The following MYOF variants were observed in gnomAD, a reference collection of about 807,000 sequenced individuals.
MYOF encodes the protein fer-1-like 3, myoferlin.
MYOF carries 244 observed loss-of-function variants against 284.2 expected under a neutral mutation model. That is an observed-to-expected ratio of 0.86 (90% confidence interval 0.77 to 0.95). The LOEUF (loss-of-function observed/expected upper bound fraction) is 0.95. MYOF is among the 40% of genes least tolerant of loss of function. The pLI, the probability that MYOF is intolerant of heterozygous loss-of-function variation, is 0.00. For missense variants in MYOF, 2,496 were observed against 2,560.6 expected, an observed-to-expected ratio of 0.97 and a Z score of 0.54; for synonymous variants, 904 against 919.7, an observed-to-expected ratio of 0.98 and a Z score of 0.31.
At position 93,356,721 on chromosome 10, in the gene MYOF, GA is replaced by G; in HGVS notation, c.3247del (p.Ser1083GlnfsTer72). ...RRRWRRKMAP[S>X]ETHGAAAIFK... Reference sequence around the variant, plus strand: ...GATGGCAGCTGCACCATGTGTTTCTGAAGGAGCCATTTTTCTCCTCCAGCGT... The same window carrying G: ...GATGGCAGCTGCACCATGTGTTTCTGAGGAGCCATTTTTCTCCTCCAGCGT... On this transcript the variant is annotated frameshift_variant, in exon 30 of 54. Transcript: ENST00000359263. LOFTEE classifies it high-confidence loss of function. 1 of 1,614,154 alleles carries G rather than the reference GA, an allele frequency of 6.2e-7. No homozygotes were observed.
intron 24 of MYOF, among the ~76,000 whole-genome samples, chr10:93,370,490 T>C (rs1265482258): frequency 6.6e-6 from 1 of 151,582 alleles, no homozygotes; most frequent in African/African-American, 2.4e-5. Flanking sequence ...TTTTGTATTT[T>C]TTTTGTAGAG....
At chr10:93,356,899 C>T in intron 29 of MYOF, 51 bp from the exon 30 acceptor site, 2 of 1,532,440 alleles carry the variant, frequency 1.3e-6, no homozygotes, top group Non-Finnish European at 8.9e-7. Context: ...GATGATATTC[C>T]TTATTTTGAT....
intron 1 of MYOF, among the ~76,000 whole-genome samples, chr10:93,480,404 A>AT (rs1469755646): frequency 6.7e-6 from 1 of 149,294 alleles, no homozygotes; most frequent in African/African-American, 2.5e-5. Context: ...ATTTTTTTAA[A>AT]TTTTTTTTAA....
chr10:93,352,008 G>A (rs1844545275), intron 32 of MYOF, among the ~76,000 whole-genome samples, 162 bp from the exon 33 acceptor site: 1 of 152,152 alleles, frequency 6.6e-6, no homozygotes, highest in Non-Finnish European at 1.5e-5. Context: ...CCCCATGGAA[G>A]GTTCTGGCAC....
At chr10:93,454,911 C>T (rs141998613) in intron 2 of MYOF, among the ~76,000 whole-genome samples, 88 of 143,052 alleles carry the variant, frequency 6.2e-4, no homozygotes, top group African/African-American at 2.1e-3. Context: ...CCTGGGAGAT[C>T]GAGGCTGTAG....
At chr10:93,432,261 G>A (rs1848906925) in intron 3 of MYOF, among the ~76,000 whole-genome samples, 2 of 152,000 alleles carry the variant, frequency 1.3e-5, no homozygotes. Flanking sequence ...GATGATGCAT[G>A]CCTGTAATCC....
chr10:93,473,570 G>A (rs1361155433), intron 1 of MYOF, among the ~76,000 whole-genome samples: 1 of 152,224 alleles, frequency 6.6e-6, no homozygotes, highest in Admixed American at 6.5e-5. Context: ...GCAGGGAGAA[G>A]CAGAGGCAGG....
intron 9 of MYOF, among the ~76,000 whole-genome samples, chr10:93,403,696 T>G (rs1847408368): frequency 6.6e-6 from 1 of 152,208 alleles, no homozygotes; most frequent in Admixed American, 6.5e-5. Flanking sequence ...AGATGGAGCT[T>G]TGGGGCCCCC....
chr10:93,459,017 G>T (rs984874771), intron 1 of MYOF, among the ~76,000 whole-genome samples: 1 of 152,226 alleles, frequency 6.6e-6, no homozygotes, highest in Non-Finnish European at 1.5e-5. Flanking sequence ...TTTTCCACTT[G>T]AGAGGGCAAC....
intron 1 of MYOF, among the ~76,000 whole-genome samples, chr10:93,479,145 CT>C (rs1377635363): frequency 1.9e-3 from 276 of 144,046 alleles, no homozygotes; most frequent in Non-Finnish European, 1.8e-3. Context: ...TGGCTTTTTC[CT>C]TTTTTTTTTT....
At chr10:93,400,164 C>A (rs78852093) in intron 12 of MYOF, among the ~76,000 whole-genome samples, 15,498 of 152,022 alleles carry the variant, frequency 0.1, 1,248 homozygotes, top group African/African-American at 0.22. Context: ...TGCTCTAGGT[C>A]AAAATGATAT....
rs373879723 is a variant in MYOF, at chr10:93,427,201, AC to A, written c.346-1044del. 7.7e-3 allele frequency among the ~76,000 whole-genome samples: 757 copies of A among 98,364 alleles called. 10 individuals carry two copies. Among genetic ancestry groups the A allele is most frequent in the African/African-American group, 0.029 (736 of 25,608 alleles). The allele number at this position is 98,364 out of a possible 152,430, so 64.5% of individuals were successfully genotyped here. ...GTGCCCGGGGAGACTCTGTCTTAAA[AC>A]AAAACAAAACAAAACAAAAAAAAAC... On this transcript the variant is annotated intron_variant, in intron 4 of 53. Transcript: ENST00000359263.
intron 7 of MYOF, among the ~76,000 whole-genome samples, chr10:93,407,964 G>A (rs1352539075): frequency 2.6e-5 from 4 of 152,004 alleles, no homozygotes; most frequent in African/African-American, 7.2e-5. Context: ...CATAAGGGTC[G>A]AAGGGATCAT....
intron 19 of MYOF, among the ~76,000 whole-genome samples, chr10:93,382,391 C>G (rs1846166345): frequency 1.3e-5 from 2 of 151,996 alleles, no homozygotes; most frequent in Non-Finnish European, 2.9e-5. Context: ...TGCCACTGCA[C>G]CCAGCTAAAC....
intron 19 of MYOF, among the ~76,000 whole-genome samples, chr10:93,384,090 G>A (rs746375609): frequency 2.6e-5 from 4 of 152,186 alleles, no homozygotes; most frequent in Non-Finnish European, 5.9e-5. Context: ...TGAGCAAGCC[G>A]CTGAAGATGG....
rs1237442282 is a variant in MYOF, at chr10:93,401,488, G to A, written c.1047C>T (p.Leu349=). 2 of 1,613,998 alleles carry A rather than the reference G, an allele frequency of 1.2e-6. No homozygotes were observed. The highest frequency in any genetic ancestry group is 2.2e-5 in the East Asian group (1 of 44,902). Residue 349 remains leucine, a synonymous_variant, in exon 12 of 54, where the codon CTC becomes CTT. Transcript: ENST00000359263. The stretch of plus-strand genomic sequence containing the variant: ...CCCACCGGAGGGCAATGCCAGCAGG[G>A]AGTAACAAATTACTCTCCACATCAT... ...DSDDVESNLL[L]PAGIALRWVT... is the part of the protein sequence containing the mutation.
chr10:93,426,035 C>A (rs1848575628), intron 5 of MYOF, 36 bp downstream of exon 5: 2 of 1,542,906 alleles, frequency 1.3e-6, no homozygotes, highest in African/African-American at 1.4e-5. Context: ...CAGCCTCCCC[C>A]TGGGGGTGGC....
chr10:93,372,044 C>T lies in MYOF; in HGVS notation c.2457+886G>A, dbSNP rs1445641483. 2.6e-5 allele frequency among the ~76,000 whole-genome samples: 4 copies of T among 152,272 alleles called. No individual in the cohort carries two copies. In the East Asian group the frequency reaches 7.7e-4, roughly 29 times the overall value. On this transcript the variant is annotated intron_variant, in intron 24 of 53. Coordinates refer to ENST00000359263, the MANE Select transcript of MYOF (RefSeq NM_013451.4). ...AGACACTTGAAAGAAGATAATCACTCTGATTCTATTTACACCCTCCTGATT... is the reference window on the plus strand; with the variant it reads ...AGACACTTGAAAGAAGATAATCACTTTGATTCTATTTACACCCTCCTGATT...
At chr10:93,392,714 G>A (rs1481866411) in intron 17 of MYOF, among the ~76,000 whole-genome samples, 1 of 152,154 alleles carries the variant, frequency 6.6e-6, no homozygotes, top group Non-Finnish European at 1.5e-5. Context: ...ATGGGACATG[G>A]AGCAAAGCCT....
Sources: allele counts gnomAD v4.1 joint callset (sites outside exome capture counted in the v4.1 genomes callset), GRCh38; gene constraint gnomAD v4.1.1; transcripts MANE v1.5; gene names NCBI Gene and HGNC (gene_info 2026-07-23, HGNC 2026-07-21).